Variants in LHFPL6 observed in about 807,000 individuals in gnomAD.
The protein encoded by LHFPL6 is LHFPL tetraspan subfamily member 6.
A neutral mutation model predicts 20.6 loss-of-function variants in LHFPL6; 9 were observed. The ratio of observed to expected loss-of-function variants is 0.44; its 90% CI spans 0.26 to 0.76. LHFPL6 has a LOEUF of 0.76. LHFPL6 is among the 30% of genes least tolerant of loss of function. LHFPL6 has a pLI of 0.20. For missense variants in LHFPL6, 218 were observed against 253.5 expected (o/e 0.86, Z 0.95); for synonymous variants, 105 against 98.7 (o/e 1.06, Z -0.38).
chr13:39,602,159 T>C (rs769982544), intron 1 of LHFPL6, among the ~76,000 whole-genome samples: 14 of 152,166 alleles, frequency 9.2e-5, no homozygotes, highest in Non-Finnish European at 1.9e-4. Flanking sequence ...ACCCCAGTCA[T>C]CCAAATGGTT....
chr13:39,375,496 G>GC lies in LHFPL6; in HGVS notation c.484+2931dup, dbSNP rs1220217515. ...ACTTGAGGTCAGGGGTTCGAGACTAGCCTGGCCAACACGGCGAAACCCCAT... is the reference window on the plus strand; with the variant it reads ...ACTTGAGGTCAGGGGTTCGAGACTAGCCCTGGCCAACACGGCGAAACCCCAT... On this transcript the variant is annotated intron_variant, in intron 3 of 3. Coordinates refer to ENST00000379589, the MANE Select transcript of LHFPL6 (RefSeq NM_005780.3). 2.6e-5 allele frequency among the ~76,000 whole-genome samples: 4 copies of GC among 152,232 alleles called. No individual in the cohort carries two copies. The East Asian group carries it at 7.8e-4, about 30-fold the overall frequency.
intron 2 of LHFPL6, among the ~76,000 whole-genome samples, chr13:39,515,166 G>T (rs1174872117): frequency 6.6e-6 from 1 of 152,218 alleles, no homozygotes; most frequent in African/African-American, 2.4e-5. Flanking sequence ...TACACTTTAT[G>T]GTATTTCTGA....
intron 3 of LHFPL6, among the ~76,000 whole-genome samples, chr13:39,362,967 C>A (rs1000399829): frequency 6.6e-6 from 1 of 152,196 alleles, no homozygotes; most frequent in Non-Finnish European, 1.5e-5. Context: ...CACATCGGGG[C>A]ACAGAGCCCA....
At chr13:39,561,970 T>C (rs1330518472) in intron 2 of LHFPL6, among the ~76,000 whole-genome samples, 1 of 152,208 alleles carries the variant, frequency 6.6e-6, no homozygotes. Context: ...ACATAGTCAA[T>C]AATTAGCAGG....
intron 2 of LHFPL6, among the ~76,000 whole-genome samples, chr13:39,503,269 A>G (rs917156173): frequency 1.3e-5 from 2 of 152,168 alleles, no homozygotes; most frequent in Non-Finnish European, 2.9e-5. Context: ...CATTCTAGGA[A>G]TTCCCACCTT....
chr13:39,596,661 A>T (rs886709172), intron 2 of LHFPL6, among the ~76,000 whole-genome samples: 1 of 152,096 alleles, frequency 6.6e-6, no homozygotes, highest in East Asian at 1.9e-4. Context: ...AATTTAAAAA[A>T]AAAAAAAGAG....
intron 2 of LHFPL6, among the ~76,000 whole-genome samples, chr13:39,543,167 T>C (rs908763075): frequency 6.6e-6 from 1 of 152,220 alleles, no homozygotes. Context: ...GGTGCATCCA[T>C]GTTGAAGCAC....
chr13:39,374,016 A>T (rs1870223702), intron 3 of LHFPL6, among the ~76,000 whole-genome samples: 1 of 152,208 alleles, frequency 6.6e-6, no homozygotes. Flanking sequence ...CAGCAATCCC[A>T]TTACTGGATA....
In LHFPL6 at chr13:39,446,471, C is replaced by A. The variant is rs187224131; in HGVS notation, c.386-67945G>T. On this transcript the variant is annotated intron_variant, in intron 2 of 3. Coordinates refer to ENST00000379589, the MANE Select transcript of LHFPL6 (RefSeq NM_005780.3). ...GGTGCAGAAGTTAAACAGATACCAT[C>A]TGCAGAGCACAGAGTAAGCAGAGGC... Among the ~76,000 whole-genome samples, 363 of 152,286 alleles carry A rather than the reference C, an allele frequency of 2.4e-3. 1 individual carries two copies. Among genetic ancestry groups the A allele is most frequent in the African/African-American group, 8.3e-3 (343 of 41,562 alleles).
chr13:39,515,954 TA>T (rs769111324), intron 2 of LHFPL6, among the ~76,000 whole-genome samples: 41 of 152,328 alleles, frequency 2.7e-4, no homozygotes, highest in Admixed American at 1.0e-3. Flanking sequence ...GAGTTATACA[TA>T]ATTACAGTAT....
chr13:39,556,691 T>A (rs1251126273), intron 2 of LHFPL6, among the ~76,000 whole-genome samples: 1 of 152,146 alleles, frequency 6.6e-6, no homozygotes, highest in Non-Finnish European at 1.5e-5. Context: ...TGACTGGACA[T>A]GGTGGCTCAT....
intron 2 of LHFPL6, among the ~76,000 whole-genome samples, chr13:39,424,703 G>C (rs78701388): frequency 5.5e-4 from 84 of 152,108 alleles, no homozygotes; most frequent in African/African-American, 1.9e-3. Context: ...AAAATGTACT[G>C]GTATAATTTC....
intron 2 of LHFPL6, among the ~76,000 whole-genome samples, chr13:39,405,856 A>G (rs1871102562): frequency 6.6e-6 from 1 of 152,234 alleles, no homozygotes; most frequent in African/African-American, 2.4e-5. Flanking sequence ...ACACAAGATT[A>G]GTCCGAGTTG....
At chr13:39,492,060 T>C (rs1176883367) in intron 2 of LHFPL6, among the ~76,000 whole-genome samples, 1 of 152,248 alleles carries the variant, frequency 6.6e-6, no homozygotes, top group East Asian at 1.9e-4. Flanking sequence ...TTTTCATTCA[T>C]CTTTCTATCT....
At chr13:39,496,303 C>T (rs1593336041) in intron 2 of LHFPL6, among the ~76,000 whole-genome samples, 1 of 152,100 alleles carries the variant, frequency 6.6e-6, no homozygotes, top group Admixed American at 6.5e-5. Context: ...TTGGAGGCCT[C>T]TTTTATAAGG....
intron 2 of LHFPL6, among the ~76,000 whole-genome samples, chr13:39,502,050 C>A (rs978475054): frequency 3.9e-5 from 6 of 152,134 alleles, no homozygotes; most frequent in Non-Finnish European, 7.4e-5. Flanking sequence ...CTTGTGGATT[C>A]CTTATCACTT....
At chr13:39,451,431 T>A (rs1872441375) in intron 2 of LHFPL6, among the ~76,000 whole-genome samples, 1 of 152,198 alleles carries the variant, frequency 6.6e-6, no homozygotes. Flanking sequence ...GGGTTTATAA[T>A]CATTGTTAAC....
At chr13:39,591,710 C>G (rs537477091) in intron 2 of LHFPL6, among the ~76,000 whole-genome samples, 1 of 152,206 alleles carries the variant, frequency 6.6e-6, no homozygotes, top group East Asian at 1.9e-4. Flanking sequence ...CCCACCCAGA[C>G]CTTCCCAGCA....
chr13:39,569,148 T>TGGATGGACGGACGGACGCAC (rs71080313), intron 2 of LHFPL6, among the ~76,000 whole-genome samples: 1 of 144,396 alleles, frequency 6.9e-6, no homozygotes, highest in Non-Finnish European at 1.5e-5. Flanking sequence ...GATGGATGGA[T>TGGATGGACGGACGGACGCAC]GGACGGACGG....
Sources: gnomAD v4.1 joint callset for allele counts (sites outside exome capture counted in the v4.1 genomes callset) on GRCh38, gnomAD v4.1.1 for gene constraint, MANE v1.5 for transcripts, NCBI Gene and HGNC (gene_info 2026-07-23, HGNC 2026-07-21) for gene names.